The following PLD5 variants were observed in gnomAD, a reference collection of about 807,000 sequenced individuals.
The protein encoded by PLD5 is inactive phospholipase D5.
Under a neutral mutation model 61.1 loss-of-function variants are expected in PLD5, and 36 were observed. The observed-to-expected ratio is 0.59, with a 90% CI of 0.45 to 0.78. The LOEUF (loss-of-function observed/expected upper bound fraction) is 0.78, where lower values mean the gene tolerates loss of function less well. Among genes scored for constraint, PLD5 ranks in the 30% least tolerant of loss-of-function variants. The pLI is 0.00. For synonymous variants in PLD5, 243 were observed against 242.8 expected, an observed-to-expected ratio of 1.00 and a Z score of -0.01; for missense variants, 515 against 644.4, an observed-to-expected ratio of 0.80 and a Z score of 2.17.
At chr1:242,505,150 C>G (rs1273271824) in intron 1 of PLD5, among the ~76,000 whole-genome samples, 1 of 152,174 alleles carries the variant, frequency 6.6e-6, no homozygotes, top group Non-Finnish European at 1.5e-5. Context: ...AAGTGAGACA[C>G]TGTCTCAAAA....
At chr1:242,239,297 T>C (rs955325380) in intron 4 of PLD5, among the ~76,000 whole-genome samples, 1 of 151,658 alleles carries the variant, frequency 6.6e-6, no homozygotes, top group African/African-American at 2.4e-5. Flanking sequence ...AGAAACACAG[T>C]CCTTGTTGGT....
At chr1:242,156,945 T>C (rs145673681) in intron 5 of PLD5, among the ~76,000 whole-genome samples, 315 of 152,234 alleles carry the variant, frequency 2.1e-3, no homozygotes, top group African/African-American at 7.2e-3. Flanking sequence ...ACCTGAAGAG[T>C]GTTTTCCAAC....
Position 242,429,467 on chromosome 1 carries a change from G to A in PLD5, c.190-81225C>T, listed in dbSNP as rs542981646. Among the ~76,000 whole-genome samples, 3 of 152,058 alleles carry A rather than the reference G, an allele frequency of 2.0e-5. No homozygotes were observed. In the East Asian group the frequency reaches 5.8e-4, roughly 29 times the overall value. Reference sequence around the variant, plus strand: ...CTGCCATGTTGCAAAGGCTGGTCTCGAACTCCAGGCCTTAAGTGATTCTCC... The same window carrying A: ...CTGCCATGTTGCAAAGGCTGGTCTCAAACTCCAGGCCTTAAGTGATTCTCC... On this transcript the variant is annotated intron_variant, in intron 1 of 9. Transcript: ENST00000536534.
chr1:242,439,940 A>G (rs1666194295), intron 1 of PLD5, among the ~76,000 whole-genome samples: 1 of 152,228 alleles, frequency 6.6e-6, no homozygotes, highest in Non-Finnish European at 1.5e-5. Context: ...GCCAAGGTTC[A>G]GTTTGGGAAA....
rs182448390 is a variant in PLD5 at position 242,263,138 on chromosome 1, T to A, written c.607+2199A>T. On this transcript the variant is annotated intron_variant, in intron 4 of 9. Coordinates refer to ENST00000536534, the MANE Select transcript of PLD5 (RefSeq NM_001372062.1). ...GGCCAGCTGTCTCACTTCTCCAGCC[T>A]GCCTGGCCTTTTTCTGGGCCTCCTT... 4.9e-3 allele frequency among the ~76,000 whole-genome samples: 748 copies of A among 152,316 alleles called. 3 individuals are homozygous for A. Among genetic ancestry groups the A allele is most frequent in the African/African-American group, 0.017 (693 of 41,568 alleles).
At chr1:242,215,854 A>G (rs58840750) in intron 5 of PLD5, among the ~76,000 whole-genome samples, 4,453 of 152,214 alleles carry the variant, frequency 0.029, 224 homozygotes, top group African/African-American at 0.1. Flanking sequence ...GTTCCTTACT[A>G]TGTTTTATTA....
chr1:242,525,740 C>T (rs1281176970), upstream of PLD5, among the ~76,000 whole-genome samples: 1 of 152,164 alleles, frequency 6.6e-6, no homozygotes, highest in African/African-American at 2.4e-5. Flanking sequence ...AACTGCCCTA[C>T]TTGAATGACG....
At chr1:242,404,203 A>G (rs1664100996) in intron 1 of PLD5, among the ~76,000 whole-genome samples, 2 of 152,228 alleles carry the variant, frequency 1.3e-5, no homozygotes, top group African/African-American at 4.8e-5. Context: ...AGCAGATGCT[A>G]TGAAAGAATA....
intron 5 of PLD5, among the ~76,000 whole-genome samples, chr1:242,147,828 A>C (rs1664642013): frequency 6.6e-6 from 1 of 152,168 alleles, no homozygotes; most frequent in Non-Finnish European, 1.5e-5. Context: ...GTGTCTGTTC[A>C]CATATTTGGC....
At chr1:242,395,297 C>T (rs1342045022) in intron 1 of PLD5, among the ~76,000 whole-genome samples, 1 of 152,018 alleles carries the variant, frequency 6.6e-6, no homozygotes, top group Non-Finnish European at 1.5e-5. Context: ...TTATTCCCTT[C>T]CCCTACGAGG....
chr1:242,316,471 T>C (rs12137797), intron 2 of PLD5, among the ~76,000 whole-genome samples: 9,071 of 152,238 alleles, frequency 0.06, 323 homozygotes, highest in Middle Eastern at 0.1. Context: ...TTATACGAGA[T>C]ATTTTTGAAA....
upstream of PLD5, among the ~76,000 whole-genome samples, chr1:242,527,497 G>C (rs549162273): frequency 6.6e-6 from 1 of 152,174 alleles, no homozygotes; most frequent in African/African-American, 2.4e-5. Context: ...CTACTGAATT[G>C]AGCATTATAA....
At chr1:242,372,986 T>C (rs1490176085) in intron 1 of PLD5, among the ~76,000 whole-genome samples, 1 of 152,132 alleles carries the variant, frequency 6.6e-6, no homozygotes, top group Non-Finnish European at 1.5e-5. Flanking sequence ...CAAAAGAAAC[T>C]ACCATCAGAG....
chr1:242,514,479 C>CTGGGT (rs1669036069), intron 1 of PLD5, among the ~76,000 whole-genome samples: 1 of 152,146 alleles, frequency 6.6e-6, no homozygotes, highest in Non-Finnish European at 1.5e-5. Context: ...AAAAAGATAA[C>CTGGGT]TACTGGGTAC....
intron 2 of PLD5, among the ~76,000 whole-genome samples, chr1:242,308,745 G>T: frequency 6.6e-6 from 1 of 152,046 alleles, no homozygotes; most frequent in East Asian, 1.9e-4. Flanking sequence ...TCCTTTTTAA[G>T]AATTTAACAA....
chr1:242,252,942 G>T (rs1430293113), intron 4 of PLD5, among the ~76,000 whole-genome samples: 1 of 148,456 alleles, frequency 6.7e-6, no homozygotes, highest in African/African-American at 2.5e-5. Context: ...TCAGCCTCCC[G>T]AGTAGCTGGG....
intron 9 of PLD5, among the ~76,000 whole-genome samples, chr1:242,093,826 G>A (rs1660026656): frequency 6.6e-6 from 1 of 151,680 alleles, no homozygotes; most frequent in African/African-American, 2.4e-5. Flanking sequence ...GGGGTGGGGG[G>A]AAAATGATGG....
intron 1 of PLD5, among the ~76,000 whole-genome samples, chr1:242,431,748 T>C (rs1205270672): frequency 2.6e-5 from 4 of 152,214 alleles, no homozygotes; most frequent in Non-Finnish European, 4.4e-5. Flanking sequence ...CACTGTCCCT[T>C]CATCTGTGTT....
intron 1 of PLD5, among the ~76,000 whole-genome samples, chr1:242,368,696 G>A (rs532192155): frequency 1.3e-5 from 2 of 152,222 alleles, no homozygotes; most frequent in South Asian, 4.2e-4. Context: ...CTGTACATGT[G>A]CTAACAACAA....
Sources: gnomAD v4.1 joint callset for allele counts (sites outside exome capture counted in the v4.1 genomes callset) on GRCh38, gnomAD v4.1.1 for gene constraint, MANE v1.5 for transcripts, NCBI Gene and HGNC (gene_info 2026-07-23, HGNC 2026-07-21) for gene names.